CPB2: variants seen among roughly 807,000 people sequenced by gnomAD.
The protein encoded by CPB2 is carboxypeptidase B-like protein.
A neutral mutation model predicts 57.0 loss-of-function variants in CPB2; 54 were observed. The ratio of observed to expected loss-of-function variants is 0.95; its 90% CI spans 0.76 to 1.19. The LOEUF is 1.19. Among genes scored for constraint, CPB2 ranks in the 50% most tolerant of loss-of-function variants. CPB2 has a pLI of 0.00. For missense variants in CPB2, 426 were observed against 512.0 expected (o/e 0.83, Z 1.62); for synonymous variants, 189 against 178.1 (o/e 1.06, Z -0.49).
At chr13:46,064,380 T>A (rs1301620732) in intron 8 of CPB2, among the ~76,000 whole-genome samples, 3 of 152,226 alleles carry the variant, frequency 2.0e-5, no homozygotes, top group Non-Finnish European at 2.9e-5. Flanking sequence ...ATAATAGATT[T>A]TAGAATTTTG....
At chr13:46,082,648 A>G in intron 3 of CPB2, 99 bp from the exon 4 acceptor site, 2 of 663,328 alleles carry the variant, frequency 3.0e-6, no homozygotes, top group South Asian at 3.8e-5. Flanking sequence ...AAGAAAAAAA[A>G]TCACTAAGAA....
intron 8 of CPB2, among the ~76,000 whole-genome samples, chr13:46,058,766 AG>A (rs1434718969): frequency 6.6e-6 from 1 of 152,228 alleles, no homozygotes; most frequent in African/African-American, 2.4e-5. Flanking sequence ...CCATCAATAT[AG>A]CCCATAAAAG....
intron 1 of CPB2, among the ~76,000 whole-genome samples, chr13:46,093,213 A>C (rs1301273196): frequency 2.0e-5 from 3 of 152,164 alleles, no homozygotes; most frequent in Non-Finnish European, 4.4e-5. Flanking sequence ...GCGCCCACCA[A>C]GGATAACTTT....
At chr13:46,082,604 A>T in intron 3 of CPB2, 55 bp from the exon 4 acceptor site, 1 of 1,153,044 alleles carries the variant, frequency 8.7e-7, no homozygotes, top group Non-Finnish European at 1.3e-6. Context: ...GGATCTTCCC[A>T]CATGGCCCAT....
intron 5 of CPB2, 49 bp from the exon 6 acceptor site, chr13:46,074,026 A>C (rs748638352): frequency 9.0e-7 from 1 of 1,112,772 alleles, no homozygotes; most frequent in Middle Eastern, 2.0e-4. Context: ...AATAAGCTTC[A>C]GGATAATAAC....
chr13:46,064,891 A>C, intron 7 of CPB2, 150 bp from the exon 8 acceptor site: 1 of 651,674 alleles, frequency 1.5e-6, no homozygotes, highest in Non-Finnish European at 2.8e-6. Context: ...TGTTGTTGCA[A>C]TATTCCTTTG....
chr13:46,087,946 G>A, intron 1 of CPB2, 126 bp from the exon 2 acceptor site: 1 of 613,354 alleles, frequency 1.6e-6, no homozygotes, highest in South Asian at 2.1e-5. Context: ...TTAGGACAGA[G>A]GATCTTACTA....
rs565417355 is a variant in CPB2 at position 46,066,555 on chromosome 13, A to C, written c.702+752T>G. ...AATCAAAGAAACATACTTTTTAAAAAGTTAGGAGGCCGGGCGAGGTGGCTC... is the reference window on the plus strand; with the variant it reads ...AATCAAAGAAACATACTTTTTAAAACGTTAGGAGGCCGGGCGAGGTGGCTC... On this transcript the variant is annotated intron_variant, in intron 7 of 10. Coordinates refer to ENST00000181383, the MANE Select transcript of CPB2 (RefSeq NM_001872.5). Among the ~76,000 whole-genome samples, 4 of 152,312 alleles carry C rather than the reference A, an allele frequency of 2.6e-5. No individual in the cohort carries two copies. The East Asian group carries it at 7.7e-4, about 29-fold the overall frequency.
At chr13:46,065,021 C>T (rs2044832430) in intron 7 of CPB2, among the ~76,000 whole-genome samples, 1 of 152,196 alleles carries the variant, frequency 6.6e-6, no homozygotes, top group Admixed American at 6.5e-5. Context: ...TCCTTTCATT[C>T]CACTAGGCTG....
chr13:46,084,941 C>T (rs2045178736), intron 2 of CPB2, among the ~76,000 whole-genome samples: 1 of 151,752 alleles, frequency 6.6e-6, no homozygotes, highest in Admixed American at 6.6e-5. Context: ...AGCTCTGCCT[C>T]CCGAGTTCTC....
chr13:46,075,881 T>C (rs574454275), intron 5 of CPB2, among the ~76,000 whole-genome samples: 176 of 152,314 alleles, frequency 1.2e-3, no homozygotes, highest in Non-Finnish European at 1.8e-3. Flanking sequence ...CTGAAAACAA[T>C]TGGCTGTGGC....
chr13:46,077,072 G>C (rs1331938543), intron 5 of CPB2, among the ~76,000 whole-genome samples: 2 of 152,064 alleles, frequency 1.3e-5, no homozygotes, highest in African/African-American at 2.4e-5. Flanking sequence ...AGCAAAAATA[G>C]ATAAAGGGGA....
At chr13:46,104,911 A>C (rs917646935) in intron 1 of CPB2, 25 bp downstream of exon 1, 1 of 1,613,590 alleles carries the variant, frequency 6.2e-7, no homozygotes, top group African/African-American at 1.3e-5. Context: ...GTGGCCCACC[A>C]CAGTCTAAGA....
chr13:46,064,217 G>A (rs2044818638), intron 8 of CPB2, among the ~76,000 whole-genome samples: 1 of 151,978 alleles, frequency 6.6e-6, no homozygotes, highest in Admixed American at 6.6e-5. Context: ...CCAAGATTGT[G>A]CCACTGCACT....
rs138269290 is a variant in CPB2, at chr13:46,053,671, A to G, written c.1215T>C (p.Cys405=). 460 of 1,614,210 alleles carry G rather than the reference A, an allele frequency of 2.8e-4. 2 individuals carry two copies. The African/African-American group carries it at 5.5e-3, about 19-fold the overall frequency. ...TAGAGACAGCGGCAAAAGCTTCTCTACAGGTGGGTTTGATGTAACGCTCCG... is the reference window on the plus strand; with the variant it reads ...TAGAGACAGCGGCAAAAGCTTCTCTGCAGGTGGGTTTGATGTAACGCTCCG... ...LLPERYIKPT[C]REAFAAVSKI... Residue 405 remains cysteine, a synonymous_variant, in exon 11 of 11, where the codon TGT becomes TGC. Coordinates refer to ENST00000181383, the MANE Select transcript of CPB2 (RefSeq NM_001872.5).
chr13:46,071,638 T>C (rs147940616), intron 6 of CPB2, among the ~76,000 whole-genome samples: 186 of 152,316 alleles, frequency 1.2e-3, no homozygotes, highest in African/African-American at 4.3e-3. Context: ...CAGTGCACGA[T>C]AGCAATAAAA....
At chr13:46,094,109 A>T (rs2045332478) in intron 1 of CPB2, among the ~76,000 whole-genome samples, 3 of 152,152 alleles carry the variant, frequency 2.0e-5, no homozygotes, top group Non-Finnish European at 4.4e-5. Flanking sequence ...CTCTCATCTC[A>T]CCAGCACATT....
chr13:46,082,803 A>G (rs1475788551), intron 3 of CPB2, among the ~76,000 whole-genome samples: 1 of 152,140 alleles, frequency 6.6e-6, no homozygotes, highest in East Asian at 1.9e-4. Flanking sequence ...CATAAAAACC[A>G]CCGTTTCCCA....
intron 1 of CPB2, among the ~76,000 whole-genome samples, chr13:46,093,202 C>T (rs1007565073): frequency 4.6e-5 from 7 of 152,074 alleles, no homozygotes; most frequent in African/African-American, 9.7e-5. Context: ...CGTGAGCCAC[C>T]GCGCCCACCA....
Sources: allele counts gnomAD v4.1 joint callset (sites outside exome capture counted in the v4.1 genomes callset), GRCh38; gene constraint gnomAD v4.1.1; transcripts MANE v1.5; gene names NCBI Gene and HGNC (gene_info 2026-07-23, HGNC 2026-07-21).